Variants in NFATC3 observed in about 807,000 individuals in gnomAD.
NFATC3 encodes the protein nuclear factor of activated T-cells, cytoplasmic 3.
A neutral mutation model predicts 98.6 loss-of-function variants in NFATC3; 46 were observed. The ratio of observed to expected loss-of-function variants is 0.47; its 90% CI spans 0.37 to 0.60. The LOEUF is 0.60. NFATC3 is among the 20% of genes least tolerant of loss of function. The pLI, the probability that NFATC3 is intolerant of heterozygous loss-of-function variation, is 0.00. For synonymous variants in NFATC3, 512 were observed against 472.2 expected, an observed-to-expected ratio of 1.08 and a Z score of -1.09; for missense variants, 1,256 against 1,295.5, an observed-to-expected ratio of 0.97 and a Z score of 0.47.
intron 1 of NFATC3, among the ~76,000 whole-genome samples, chr16:68,107,629 A>G (rs188283331): frequency 6.6e-6 from 1 of 152,298 alleles, no homozygotes; most frequent in Admixed American, 6.5e-5. Context: ...AGGCTGAGAC[A>G]GGAGAATCAC....
intron 1 of NFATC3, among the ~76,000 whole-genome samples, chr16:68,116,039 A>G (rs1018331413): frequency 1.3e-5 from 2 of 152,152 alleles, no homozygotes; most frequent in African/African-American, 4.8e-5. Flanking sequence ...GAATAGGGGT[A>G]GTACATGTGG....
At chr16:68,114,995 TTTCTCTGAACATA>T (rs1283386107) in intron 1 of NFATC3, among the ~76,000 whole-genome samples, 1 of 152,242 alleles carries the variant, frequency 6.6e-6, no homozygotes, top group African/African-American at 2.4e-5. Context: ...CTTGTAAGTT[TTTCTCTGAACATA>T]TTTCCGTGGT....
intron 1 of NFATC3, among the ~76,000 whole-genome samples, chr16:68,112,699 C>T (rs112936931): frequency 2.2e-3 from 322 of 143,316 alleles, no homozygotes; most frequent in Non-Finnish European, 3.8e-3. Context: ...TCGCCCAGGC[C>T]GGACTGCGGA....
intron 9 of NFATC3, among the ~76,000 whole-genome samples, chr16:68,195,569 G>GAAA (rs2040628693): frequency 6.6e-6 from 1 of 152,162 alleles, no homozygotes; most frequent in African/African-American, 2.4e-5. Flanking sequence ...AGCACTTTGG[G>GAAA]AGGCTGAGGT....
intron 9 of NFATC3, chr16:68,214,514 A>G (rs2041553820): frequency 8.3e-7 from 1 of 1,206,526 alleles, no homozygotes; most frequent in African/African-American, 1.5e-5. Context: ...CATGTGCTAC[A>G]GAGGAGGGGG....
Position 68,085,415 on chromosome 16 carries a change from G to C in NFATC3, c.-267G>C. 3.7e-6 allele frequency: 1 copy of C among 270,310 alleles called. No individual in the cohort carries two copies. The highest frequency in any genetic ancestry group is 6.9e-6 in the Non-Finnish European group (1 of 143,954). 16.7% of individuals were successfully genotyped at this position (270,310 alleles called of 1,614,324 possible). A position where few individuals can be genotyped will look rare whatever the true frequency, so the allele number is the denominator to read the frequency against. Reference sequence around the variant, plus strand: ...CGGCGGCGGTGGCGGCGACTGTGGGGGGGCGGCGGGGAACATTGGCTAAGC... The same window carrying C: ...CGGCGGCGGTGGCGGCGACTGTGGGCGGGCGGCGGGGAACATTGGCTAAGC... On this transcript the variant is annotated 5_prime_UTR_variant, in exon 1 of 10. Coordinates refer to ENST00000346183, the MANE Select transcript of NFATC3 (RefSeq NM_173165.3).
In NFATC3 at chr16:68,218,818, C is replaced by T. The variant is rs1001814042; in HGVS notation, c.3107-7532C>T. On this transcript the variant is annotated intron_variant, in intron 9 of 9. Transcript: ENST00000346183. Reference sequence around the variant, plus strand: ...CAATCTCCTGACCTCATGATCCGCCCGCCTCGGCCTCCCAAAGTGCTGAGA... The same window carrying T: ...CAATCTCCTGACCTCATGATCCGCCTGCCTCGGCCTCCCAAAGTGCTGAGA... Among the ~76,000 whole-genome samples the T allele has an allele frequency of 4.0e-5, 6 of 151,394 alleles. No individual in the cohort carries two copies. The South Asian group carries it at 6.2e-4, about 16-fold the overall frequency.
intron 3 of NFATC3, among the ~76,000 whole-genome samples, chr16:68,152,525 T>C (rs1161659253): frequency 1.3e-5 from 2 of 152,096 alleles, no homozygotes; most frequent in Non-Finnish European, 2.9e-5. Flanking sequence ...GTTTTGTTTT[T>C]AAAGAGAAAG....
Position 68,085,522 on chromosome 16 carries a change from A to C in NFATC3, c.-160A>C. 1.7e-6 allele frequency: 1 copy of C among 582,648 alleles called. No homozygotes were observed. The highest frequency in any genetic ancestry group is 2.8e-6 in the Non-Finnish European group (1 of 359,238). The allele number at this position is 582,648 out of a possible 1,614,324, so 36.1% of individuals were successfully genotyped here. On this transcript the variant is annotated 5_prime_UTR_variant, in exon 1 of 10. Transcript: ENST00000346183. ...GCGCGCGGCCAGCTTTCGGAACGGA[A>C]CGCTCGGCGTCGCGGGCCCCGCCCG...
At chr16:68,172,349 C>T (rs1380633471) in intron 5 of NFATC3, among the ~76,000 whole-genome samples, 3 of 152,168 alleles carry the variant, frequency 2.0e-5, no homozygotes. Context: ...CCAGTTTTCC[C>T]ACCCACATAC....
intron 9 of NFATC3, chr16:68,217,985 A>G (rs760923946): frequency 9.2e-6 from 11 of 1,197,080 alleles, no homozygotes; most frequent in Non-Finnish European, 1.1e-5. Context: ...CCTACCATAG[A>G]TACCTTCTAA....
chr16:68,201,326 G>A (rs2040901952), intron 9 of NFATC3, among the ~76,000 whole-genome samples: 1 of 152,082 alleles, frequency 6.6e-6, no homozygotes, highest in Non-Finnish European at 1.5e-5. Flanking sequence ...GACCTCCTGG[G>A]ACTCAGGTGA....
chr16:68,124,668 C>G (rs1307290657), intron 2 of NFATC3, among the ~76,000 whole-genome samples: 3 of 151,864 alleles, frequency 2.0e-5, no homozygotes, highest in Non-Finnish European at 4.4e-5. Flanking sequence ...CTCCTGACCT[C>G]GTGATCCTCC....
intron 5 of NFATC3, among the ~76,000 whole-genome samples, chr16:68,170,605 G>A (rs2039415827): frequency 6.7e-6 from 1 of 149,654 alleles, no homozygotes; most frequent in African/African-American, 2.5e-5. Flanking sequence ...TAATTATTGT[G>A]CCTCAGCCTC....
At chr16:68,156,335 A>AC (rs56097833) in intron 3 of NFATC3, among the ~76,000 whole-genome samples, 18,038 of 152,180 alleles carry the variant, frequency 0.12, 1,195 homozygotes, top group South Asian at 0.19. Flanking sequence ...AACAACAACA[A>AC]AAACAAAAAC....
At chr16:68,161,855 A>G (rs1408212520) in intron 4 of NFATC3, among the ~76,000 whole-genome samples, 2 of 152,252 alleles carry the variant, frequency 1.3e-5, no homozygotes, top group African/African-American at 4.8e-5. Flanking sequence ...ATGAAAAATT[A>G]TCAAGAAATT....
At chr16:68,087,848 A>G (rs2034475156) in intron 1 of NFATC3, among the ~76,000 whole-genome samples, 1 of 152,192 alleles carries the variant, frequency 6.6e-6, no homozygotes, top group Non-Finnish European at 1.5e-5. Context: ...CTATGGCTGA[A>G]TAATATTCCA....
chr16:68,174,257 A>G (rs1338786919), intron 5 of NFATC3, 117 bp from the exon 6 acceptor site: 1 of 743,676 alleles, frequency 1.3e-6, no homozygotes, highest in Non-Finnish European at 1.9e-6. Context: ...GCCTAAATGA[A>G]TCCCAAAATT....
intron 4 of NFATC3, among the ~76,000 whole-genome samples, chr16:68,165,341 T>C (rs2039136030): frequency 6.6e-6 from 1 of 151,982 alleles, no homozygotes; most frequent in African/African-American, 2.4e-5. Context: ...GCTTAATTCC[T>C]TTTGGGATTC....
Sources: allele counts gnomAD v4.1 joint callset (sites outside exome capture counted in the v4.1 genomes callset), GRCh38; gene constraint gnomAD v4.1.1; transcripts MANE v1.5; gene names NCBI Gene and HGNC (gene_info 2026-07-23, HGNC 2026-07-21).